Variants in MEF2C observed in about 807,000 individuals in gnomAD.
The protein encoded by MEF2C is myocyte enhancer factor 2C, also known as myocyte-specific enhancer factor 2C.
A neutral mutation model predicts 50.5 loss-of-function variants in MEF2C; 6 were observed. That is an observed-to-expected ratio of 0.12 (90% CI 0.07 to 0.23). The LOEUF (loss-of-function observed/expected upper bound fraction) is 0.23. Ranked by LOEUF, MEF2C falls within the 10% of genes least tolerant of loss-of-function variation. The pLI is 1.00. For missense variants in MEF2C, 276 were observed against 605.0 expected, an observed-to-expected ratio of 0.46 and a Z score of 5.70; for synonymous variants, 183 against 228.0, an observed-to-expected ratio of 0.80 and a Z score of 1.78.
chr5:88,836,851 C>G (rs1815300110), intron 1 of MEF2C, among the ~76,000 whole-genome samples: 2 of 152,006 alleles, frequency 1.3e-5, no homozygotes, highest in South Asian at 4.2e-4. Context: ...TAGCCTGATT[C>G]TCTCAAACCT....
At chr5:88,812,933 A>G (rs1302802508) in intron 2 of MEF2C, among the ~76,000 whole-genome samples, 1 of 152,166 alleles carries the variant, frequency 6.6e-6, no homozygotes, top group Non-Finnish European at 1.5e-5. Flanking sequence ...TGTCATTTGT[A>G]ATGTTACATT....
intron 10 of MEF2C, among the ~76,000 whole-genome samples, chr5:88,727,128 T>C (rs1759193381): frequency 6.6e-6 from 1 of 152,172 alleles, no homozygotes; most frequent in South Asian, 2.1e-4. Flanking sequence ...AATTATGTGC[T>C]TGGTGATAAT....
At position 88,753,081 on chromosome 5, in the gene MEF2C, T is replaced by C. The variant is rs550710512; in HGVS notation, c.403-1038A>G. ...AATGCATATGTGCTTGAGGCTCAGTTGGTTGTTTTTTTTGGTCCCATTTTG... is the reference window on the plus strand; with the variant it reads ...AATGCATATGTGCTTGAGGCTCAGTCGGTTGTTTTTTTTGGTCCCATTTTG... On this transcript the variant is annotated intron_variant, in intron 4 of 10. Transcript: ENST00000504921. Among the ~76,000 whole-genome samples, 10 of 152,312 alleles carry C rather than the reference T, an allele frequency of 6.6e-5. No individual in the cohort carries two copies. The South Asian group carries it at 1.9e-3, about 28-fold the overall frequency.
At chr5:88,779,476 A>G (rs1433186182) in intron 3 of MEF2C, among the ~76,000 whole-genome samples, 1 of 152,114 alleles carries the variant, frequency 6.6e-6, no homozygotes, top group East Asian at 1.9e-4. Flanking sequence ...GAAATCAATG[A>G]AAGTTTTGTT....
At chr5:88,844,354 A>G (rs1818548585) in intron 1 of MEF2C, among the ~76,000 whole-genome samples, 1 of 152,240 alleles carries the variant, frequency 6.6e-6, no homozygotes, top group South Asian at 2.1e-4. Flanking sequence ...CCAGAGTCCA[A>G]GTTCTCAAAA....
intron 1 of MEF2C, among the ~76,000 whole-genome samples, chr5:88,878,226 T>C (rs904637950): frequency 1.3e-5 from 2 of 152,008 alleles, no homozygotes; most frequent in African/African-American, 4.8e-5. Context: ...ATAGAATGTT[T>C]GTGTTAGTAG....
At position 88,719,014 on chromosome 5, in the gene MEF2C, A is replaced by G. The variant is rs950023225; in HGVS notation, c.*3590T>C. 2 of 152,228 alleles carry G rather than the reference A, an allele frequency of 1.3e-5. No homozygotes were observed. The highest frequency in any genetic ancestry group is 2.4e-5 in the African/African-American group (1 of 41,472). The allele number at this position is 152,228 out of a possible 1,614,324, so 9.4% of individuals were successfully genotyped here. On this transcript the variant is annotated 3_prime_UTR_variant, in exon 11 of 11. Coordinates refer to ENST00000504921, the MANE Select transcript of MEF2C (RefSeq NM_002397.5). ...GGCAACAGCCTTTATTGAGGGTTCA[A>G]GTGGCTTCTTCTTCTTTAAAAAAAA... is the stretch of plus-strand genomic sequence containing the variant.
At chr5:88,782,584 G>T (rs1460560297) in intron 3 of MEF2C, among the ~76,000 whole-genome samples, 1 of 152,200 alleles carries the variant, frequency 6.6e-6, no homozygotes, top group African/African-American at 2.4e-5. Context: ...CTCAGTCACA[G>T]AAATGCATGT....
intron 3 of MEF2C, chr5:88,766,682 C>A: frequency 1.0e-6 from 1 of 985,328 alleles, no homozygotes. Context: ...GAGAAACCCC[C>A]AAATTACTCC....
At chr5:88,858,808 A>G (rs1484470648) in intron 1 of MEF2C, among the ~76,000 whole-genome samples, 3 of 152,246 alleles carry the variant, frequency 2.0e-5, no homozygotes, top group Non-Finnish European at 4.4e-5. Context: ...TAAAAAAAAC[A>G]TAAACTAAGA....
chr5:88,799,610 T>C (rs1350261900), intron 3 of MEF2C, among the ~76,000 whole-genome samples: 1 of 152,208 alleles, frequency 6.6e-6, no homozygotes, highest in Admixed American at 6.5e-5. Context: ...ATAACTTTCA[T>C]CACCATTGTG....
chr5:88,737,154 A>C (rs1446510371), intron 6 of MEF2C: 1 of 985,298 alleles, frequency 1.0e-6, no homozygotes, highest in Non-Finnish European at 1.2e-6. Flanking sequence ...AGAACTGAAA[A>C]TGTAATGAGT....
At position 88,719,330 on chromosome 5, in the gene MEF2C, C is replaced by T. The variant is rs1755504701; in HGVS notation, c.*3274G>A. Reference sequence around the variant, plus strand: ...AAAAATAAGCCATTTTACTAAAAAACACAATTTTTAAAAAGGTTGAAATAA... The same window carrying T: ...AAAAATAAGCCATTTTACTAAAAAATACAATTTTTAAAAAGGTTGAAATAA... On this transcript the variant is annotated 3_prime_UTR_variant, in exon 11 of 11. Transcript: ENST00000504921. 1 of 152,052 alleles carries T rather than the reference C, an allele frequency of 6.6e-6. No homozygotes were observed. Among genetic ancestry groups the T allele is most frequent in the Non-Finnish European group, 1.5e-5 (1 of 67,978 alleles). 9.4% of individuals were successfully genotyped at this position (152,052 alleles called of 1,614,324 possible).
At chr5:88,839,536 A>G (rs1290036426) in intron 1 of MEF2C, 1 of 152,174 alleles carries the variant, frequency 6.6e-6, no homozygotes, top group Non-Finnish European at 1.5e-5. Flanking sequence ...TCTGTTGGCA[A>G]ATACTGCCTT....
At chr5:88,735,804 T>C (rs1763827917) in intron 6 of MEF2C, 2 of 985,314 alleles carry the variant, frequency 2.0e-6, no homozygotes, top group African/African-American at 3.5e-5. Flanking sequence ...GCTTAAGATA[T>C]TATGAGGAAG....
At chr5:88,818,484 T>C (rs1441695935) in intron 2 of MEF2C, among the ~76,000 whole-genome samples, 1 of 151,840 alleles carries the variant, frequency 6.6e-6, no homozygotes, top group Admixed American at 6.6e-5. Flanking sequence ...ACTGAAACTG[T>C]AGTGTTAGCA....
At chr5:88,826,177 T>A (rs1424460633) in intron 1 of MEF2C, among the ~76,000 whole-genome samples, 2 of 151,914 alleles carry the variant, frequency 1.3e-5, no homozygotes, top group South Asian at 2.1e-4. Flanking sequence ...TAAAAAAAAA[T>A]TTCTTAAAAC....
intron 1 of MEF2C, among the ~76,000 whole-genome samples, chr5:88,871,985 A>G (rs1829654349): frequency 6.6e-6 from 1 of 152,056 alleles, no homozygotes; most frequent in South Asian, 2.1e-4. Context: ...GGGAAAATAC[A>G]ATTCATTCAT....
rs1347106713 is a variant in MEF2C, at chr5:88,746,289, T to C, written c.637+2781A>G. ...GGATGATGGTATGATGAGAAAAGGA[T>C]GGCTCAGGCACTGGATGGGAAAGAT... On this transcript the variant is annotated intron_variant, in intron 6 of 10. Transcript: ENST00000504921. Among the ~76,000 whole-genome samples the C allele has an allele frequency of 2.0e-5, 3 of 152,150 alleles. No individual in the cohort carries two copies. The South Asian group carries it at 6.2e-4, about 32-fold the overall frequency.
Sources: allele counts gnomAD v4.1 joint callset (sites outside exome capture counted in the v4.1 genomes callset), GRCh38; gene constraint gnomAD v4.1.1; transcripts MANE v1.5; gene names NCBI Gene and HGNC (gene_info 2026-07-23, HGNC 2026-07-21).